SEMA6A: variants seen among roughly 807,000 people sequenced by gnomAD.
SEMA6A encodes semaphorin 6A, also known as semaphorin-6A.
SEMA6A carries 25 observed loss-of-function variants against 96.8 expected under a neutral mutation model. The observed-to-expected ratio is 0.26, with a 90% CI of 0.19 to 0.36. SEMA6A has a LOEUF of 0.36. Ranked by LOEUF, SEMA6A falls within the 10% of genes least tolerant of loss-of-function variation. The probability of loss-of-function intolerance (pLI) is 1.00; values close to 1 mark genes in which losing one functional copy is unlikely to be tolerated. For missense variants in SEMA6A, 1,363 were observed against 1,323.1 expected, an observed-to-expected ratio of 1.03 and a Z score of -0.47; for synonymous variants, 612 against 518.0, an observed-to-expected ratio of 1.18 and a Z score of -2.46.
rs192173002 is a variant in SEMA6A, at chr5:116,444,735, C to G, written c.*1878G>C. ...AGCATCCATTGTGGTCGGCCTTGTA[C>G]TTGGAGTTACTCGTTAATCACAGCA... is the stretch of plus-strand genomic sequence containing the variant. On this transcript the variant is annotated 3_prime_UTR_variant, in exon 19 of 19. Coordinates refer to ENST00000343348, the MANE Select transcript of SEMA6A (RefSeq NM_020796.5). 1 of 152,420 alleles carries G rather than the reference C, an allele frequency of 6.6e-6. No individual in the cohort carries two copies. Among genetic ancestry groups the G allele is most frequent in the African/African-American group, 2.4e-5 (1 of 41,584 alleles). The allele number at this position is 152,420 out of a possible 1,614,324, so 9.4% of individuals were successfully genotyped here. A position where few individuals can be genotyped will look rare whatever the true frequency, so the allele number is the denominator to read the frequency against.
rs1754310179 is a variant in SEMA6A at position 116,447,510 on chromosome 5, G to C, written c.2196C>G (p.Leu732=). Reference sequence around the variant, plus strand: ...TCTTGGCCGTGTTGCCGGGAGTGGCGAGCTTGCCGTTGTGCATGAGTGGCG... The same window carrying C: ...TCTTGGCCGTGTTGCCGGGAGTGGCCAGCTTGCCGTTGTGCATGAGTGGCG... ...ILTPLMHNGK[L]ATPGNTAKML... is the part of the protein sequence containing the mutation. The change falls in exon 19 of 19, where the codon CTC becomes CTG. Residue 732 remains leucine (L), a synonymous_variant. Coordinates refer to ENST00000343348, the MANE Select transcript of SEMA6A (RefSeq NM_020796.5). 1 of 1,614,066 alleles carries C rather than the reference G, an allele frequency of 6.2e-7. No individual in the cohort carries two copies. The highest frequency in any genetic ancestry group is 8.5e-7 in the Non-Finnish European group (1 of 1,179,906).
chr5:116,445,833 A>G lies in SEMA6A; in HGVS notation c.*780T>C, dbSNP rs543659314. ...TTCACGTTAAATAGTTTAACTTTCAATGGGCTTTCTGAAGAGCTGTTCATA... is the reference window on the plus strand; with the variant it reads ...TTCACGTTAAATAGTTTAACTTTCAGTGGGCTTTCTGAAGAGCTGTTCATA... On this transcript the variant is annotated 3_prime_UTR_variant, in exon 19 of 19. Transcript: ENST00000343348. 1.8e-4 allele frequency: 28 copies of G among 152,784 alleles called. No individual in the cohort carries two copies. The highest frequency in any genetic ancestry group is 6.0e-4 in the African/African-American group (25 of 41,580). 9.5% of individuals were successfully genotyped at this position (152,784 alleles called of 1,614,324 possible). A position where few individuals can be genotyped will look rare whatever the true frequency, so the allele number is the denominator to read the frequency against.
At chr5:116,537,019 C>T (rs1339777754) in intron 1 of SEMA6A, among the ~76,000 whole-genome samples, 4 of 151,906 alleles carry the variant, frequency 2.6e-5, no homozygotes, top group Admixed American at 2.6e-4. Flanking sequence ...AAAGAATAGG[C>T]GTTCCTTTAA....
intron 18 of SEMA6A, among the ~76,000 whole-genome samples, chr5:116,467,228 A>G (rs1299115592): frequency 6.6e-6 from 1 of 152,166 alleles, no homozygotes; most frequent in Non-Finnish European, 1.5e-5. Flanking sequence ...CCCGAACTGC[A>G]TTCCATCACA....
chr5:116,514,610 G>A (rs1294971336), intron 1 of SEMA6A, among the ~76,000 whole-genome samples: 1 of 152,166 alleles, frequency 6.6e-6, no homozygotes, highest in Non-Finnish European at 1.5e-5. Flanking sequence ...CCGAATGTAG[G>A]ACAGCTCAAA....
intron 17 of SEMA6A, chr5:116,471,283 A>G (rs940988493): frequency 1.3e-5 from 2 of 152,204 alleles, no homozygotes; most frequent in African/African-American, 4.8e-5. Context: ...TGTAAAGGAA[A>G]TAAGAGAGAA....
intron 1 of SEMA6A, among the ~76,000 whole-genome samples, chr5:116,511,177 C>T (rs1039883047): frequency 6.6e-6 from 1 of 152,156 alleles, no homozygotes; most frequent in Non-Finnish European, 1.5e-5. Context: ...TGTATGTAAC[C>T]TATACACATC....
At chr5:116,513,190 C>T (rs1221719245) in intron 1 of SEMA6A, among the ~76,000 whole-genome samples, 2 of 151,966 alleles carry the variant, frequency 1.3e-5, no homozygotes, top group Non-Finnish European at 2.9e-5. Context: ...TGTAATGGCG[C>T]GATCTCGGCT....
Position 116,495,436 on chromosome 5 carries a change from T to G in SEMA6A, c.421A>C (p.Asn141His). ...ALFVCGTNAF[N>H]PSCRNYKMDT... is the part of the protein sequence containing the mutation. ...ACCTTATAGTTTCTGCAGGAAGGGT[T>G]GAAGGCATTAGTTCCACAGACAAAC... Residue 141 changes from asparagine to histidine, a missense_variant, in exon 6 of 19, where the codon AAC becomes CAC. Physicochemically the swap from Asn to His is moderately conservative, Grantham distance 68 (BLOSUM62 1). Coordinates refer to ENST00000343348, the MANE Select transcript of SEMA6A (RefSeq NM_020796.5). The G allele has an allele frequency of 6.2e-7, 1 of 1,610,556 alleles. No individual in the cohort carries two copies. Among genetic ancestry groups the G allele is most frequent in the East Asian group, 2.2e-5 (1 of 44,746 alleles).
chr5:116,465,137 A>C (rs1561473165), intron 18 of SEMA6A, among the ~76,000 whole-genome samples: 1 of 152,314 alleles, frequency 6.6e-6, no homozygotes, highest in African/African-American at 2.4e-5. Context: ...GAGATGCTGC[A>C]TACACGGATG....
intron 6 of SEMA6A, among the ~76,000 whole-genome samples, chr5:116,493,918 C>T (rs1484682893): frequency 6.6e-6 from 1 of 152,172 alleles, no homozygotes; most frequent in Non-Finnish European, 1.5e-5. Flanking sequence ...CATTCTCATA[C>T]TGTGCAAAAT....
intron 1 of SEMA6A, among the ~76,000 whole-genome samples, chr5:116,563,495 ATACTC>A (rs1209759729): frequency 6.6e-6 from 1 of 152,228 alleles, no homozygotes; most frequent in Middle Eastern, 3.2e-3. Context: ...CTGGCTGAAA[ATACTC>A]TACCTAAATA....
chr5:116,495,103 G>GA (rs912980539), intron 6 of SEMA6A, among the ~76,000 whole-genome samples: 23 of 151,840 alleles, frequency 1.5e-4, no homozygotes, highest in Non-Finnish European at 2.1e-4. Context: ...GTGGGAGGGA[G>GA]AAAAAAAATA....
chr5:116,474,558 A>T (rs745978175), intron 16 of SEMA6A, among the ~76,000 whole-genome samples: 6 of 152,234 alleles, frequency 3.9e-5, no homozygotes, highest in Non-Finnish European at 7.3e-5. Flanking sequence ...ATTTGGAGAT[A>T]AGTCTGCCTT....
Position 116,446,473 on chromosome 5 carries a change from G to C in SEMA6A, c.*140C>G. On this transcript the variant is annotated 3_prime_UTR_variant, in exon 19 of 19. Transcript: ENST00000343348. Reference sequence around the variant, plus strand: ...TTTTCGTGAGTACCCCTGTGTCCCAGAGAGGAGGACCCAGCGTCCTCGGCT... The same window carrying C: ...TTTTCGTGAGTACCCCTGTGTCCCACAGAGGAGGACCCAGCGTCCTCGGCT... 7.1e-6 allele frequency: 5 copies of C among 706,912 alleles called. No individual in the cohort carries two copies. The highest frequency in any genetic ancestry group is 1.1e-5 in the Non-Finnish European group (5 of 454,996). The allele number at this position is 706,912 out of a possible 1,614,324, so 43.8% of individuals were successfully genotyped here. A position where few individuals can be genotyped will look rare whatever the true frequency, so the allele number is the denominator to read the frequency against.
chr5:116,510,027 T>C (rs952945629), intron 1 of SEMA6A, among the ~76,000 whole-genome samples: 6 of 152,118 alleles, frequency 3.9e-5, no homozygotes, highest in African/African-American at 1.4e-4. Flanking sequence ...GTACTGTTTG[T>C]GGCAAGCATG....
Position 116,467,522 on chromosome 5 carries a change from C to T in SEMA6A, c.1894+61G>A, listed in dbSNP as rs530910104. 5 of 1,506,804 alleles carry T rather than the reference C, an allele frequency of 3.3e-6. No homozygotes were observed. In the East Asian group the frequency reaches 7.0e-5, roughly 21 times the overall value. The allele number at this position is 1,506,804 out of a possible 1,614,324, so 93.3% of individuals were successfully genotyped here. On this transcript the variant is annotated intron_variant, in intron 18 of 18. Transcript: ENST00000343348. ...CAAAATTCAGCTGGAAGCAGTTACA[C>T]AGTCCTCCCCACTTTTCCCTCCCTC...
At chr5:116,513,123 G>T (rs1172775911) in intron 1 of SEMA6A, among the ~76,000 whole-genome samples, 1 of 151,692 alleles carries the variant, frequency 6.6e-6, no homozygotes, top group Non-Finnish European at 1.5e-5. Context: ...TATAAAGGCA[G>T]CTATCTTTTT....
chr5:116,512,885 A>G (rs921896736), intron 1 of SEMA6A, among the ~76,000 whole-genome samples: 5 of 152,218 alleles, frequency 3.3e-5, no homozygotes, highest in African/African-American at 9.6e-5. Flanking sequence ...AGTCTGCAAC[A>G]GTCTCAACCA....
Sources: allele counts gnomAD v4.1 joint callset (sites outside exome capture counted in the v4.1 genomes callset), GRCh38; gene constraint gnomAD v4.1.1; transcripts MANE v1.5; gene names NCBI Gene and HGNC (gene_info 2026-07-23, HGNC 2026-07-21).